The following GPAT3 variants were observed in gnomAD, a reference collection of about 807,000 sequenced individuals.
GPAT3 encodes the protein glycerol-3-phosphate acyltransferase 3.
GPAT3 carries 53 observed loss-of-function variants against 58.8 expected under a neutral mutation model. The observed-to-expected ratio is 0.90, with a 90% CI of 0.72 to 1.13. The LOEUF is 1.13. Among genes scored for constraint, GPAT3 ranks in the 50% most tolerant of loss-of-function variants. The probability of loss-of-function intolerance (pLI) is 0.00; values close to 1 mark genes in which losing one functional copy is unlikely to be tolerated. For synonymous variants in GPAT3, 197 were observed against 187.4 expected (o/e 1.05, Z -0.42); for missense variants, 511 against 527.6 (o/e 0.97, Z 0.31).
Position 83,579,229 on chromosome 4 carries a change from T to C in GPAT3, c.209-2333T>C, listed in dbSNP as rs539139830. On this transcript the variant is annotated intron_variant, in intron 2 of 11. Coordinates refer to ENST00000264409, the MANE Select transcript of GPAT3 (RefSeq NM_032717.5). ...CTCTCCCCTTCCTTCCTTCCTTCCT[T>C]CTCTCCCTCTTTTCTCCCTTTCCCT... Among the ~76,000 whole-genome samples, 6 of 141,980 alleles carry C rather than the reference T, an allele frequency of 4.2e-5. No individual in the cohort carries two copies. The South Asian group carries it at 1.2e-3, about 28-fold the overall frequency. 93.1% of individuals were successfully genotyped at this position (141,980 alleles called of 152,430 possible).
chr4:83,547,877 G>T (rs1724604684), intron 2 of GPAT3, among the ~76,000 whole-genome samples: 1 of 147,158 alleles, frequency 6.8e-6, no homozygotes, highest in Admixed American at 6.8e-5. Flanking sequence ...TTTTGAGATG[G>T]GGTCTGGCTG....
intron 2 of GPAT3, among the ~76,000 whole-genome samples, chr4:83,579,149 CTCTCTCTT>C (rs547032708): frequency 0.012 from 1,119 of 93,174 alleles, 23 homozygotes; most frequent in Middle Eastern, 0.025. Context: ...CTCCCTCCCT[CTCTCTCTT>C]TCTCTCTTTC....
intron 3 of GPAT3, 107 bp from the exon 4 acceptor site, chr4:83,587,148 C>T: frequency 1.2e-6 from 1 of 808,048 alleles, no homozygotes; most frequent in Non-Finnish European, 2.0e-6. Flanking sequence ...CATATTTCAT[C>T]ATGTGGATAC....
chr4:83,597,753 A>G (rs114641530), intron 9 of GPAT3, among the ~76,000 whole-genome samples: 3 of 152,238 alleles, frequency 2.0e-5, no homozygotes, highest in African/African-American at 4.8e-5. Context: ...TGTTAAGTGA[A>G]ACAGATTCTG....
At chr4:83,577,788 CTTTTTTT>C (rs1185047521) in intron 2 of GPAT3, among the ~76,000 whole-genome samples, 9 of 66,714 alleles carry the variant, frequency 1.3e-4, no homozygotes, top group South Asian at 5.7e-4. Flanking sequence ...GTCATTGTGG[CTTTTTTT>C]TTTTTTTTTT....
chr4:83,561,886 A>G (rs1725139842), intron 2 of GPAT3, among the ~76,000 whole-genome samples: 1 of 149,962 alleles, frequency 6.7e-6, no homozygotes, highest in African/African-American at 2.4e-5. Context: ...CATGTTCTTT[A>G]GTACAAGCCT....
At chr4:83,578,943 TTTTCTTTTCTTTCTTTC>T (rs1354102730) in intron 2 of GPAT3, among the ~76,000 whole-genome samples, 3 of 9,334 alleles carry the variant, frequency 3.2e-4, no homozygotes, top group African/African-American at 5.4e-4. Flanking sequence ...CTTTCTTTTC[TTTTCTTTTCTTTCTTTC>T]TTTCTTTCTT....
At chr4:83,541,243 T>C (rs1724291288) in intron 1 of GPAT3, among the ~76,000 whole-genome samples, 1 of 152,088 alleles carries the variant, frequency 6.6e-6, no homozygotes, top group South Asian at 2.1e-4. Context: ...CATATCTTTT[T>C]TTTTTTTGAG....
At chr4:83,598,769 TTTTTTTTTTTTTTTTTTTA>T in intron 11 of GPAT3, 46 bp downstream of exon 11, 1 of 1,272,884 alleles carries the variant, frequency 7.9e-7, no homozygotes, top group Non-Finnish European at 1.1e-6. Context: ...TTTTTTTTTT[TTTTTTTTTTTTTTTTTTTA>T]GAGAATGCCT....
At chr4:83,574,766 TAAC>T (rs1417300804) in intron 2 of GPAT3, among the ~76,000 whole-genome samples, 6 of 148,456 alleles carry the variant, frequency 4.0e-5, no homozygotes, top group Admixed American at 1.4e-4. Flanking sequence ...GCTTTAATGA[TAAC>T]AAAACTAATG....
intron 2 of GPAT3, among the ~76,000 whole-genome samples, chr4:83,564,804 G>A (rs1221644598): frequency 6.6e-6 from 1 of 152,050 alleles, no homozygotes; most frequent in Non-Finnish European, 1.5e-5. Context: ...TTCTTACTGT[G>A]CAGACATTTT....
At chr4:83,569,311 A>G (rs991979473) in intron 2 of GPAT3, among the ~76,000 whole-genome samples, 3 of 152,220 alleles carry the variant, frequency 2.0e-5, no homozygotes, top group Admixed American at 6.5e-5. Flanking sequence ...TTCATGGTCA[A>G]TCTGTCTTTT....
intron 2 of GPAT3, among the ~76,000 whole-genome samples, chr4:83,545,387 A>G (rs976594651): frequency 2.0e-5 from 3 of 152,040 alleles, no homozygotes; most frequent in South Asian, 4.1e-4. Context: ...TTGAGGCTGT[A>G]GTGAGCTGTG....
chr4:83,599,781 TC>T (rs1726986500), intron 11 of GPAT3, among the ~76,000 whole-genome samples: 1 of 152,120 alleles, frequency 6.6e-6, no homozygotes, highest in South Asian at 2.1e-4. Flanking sequence ...AATACAGTGG[TC>T]CCCTCTGGAT....
chr4:83,573,274 G>T (rs900024956), intron 2 of GPAT3, among the ~76,000 whole-genome samples: 4 of 152,112 alleles, frequency 2.6e-5, no homozygotes, highest in African/African-American at 9.7e-5. Flanking sequence ...GAGTAGCTGG[G>T]ACTACAGGTG....
chr4:83,579,017 C>CCTTTCTTTCTTTCTTTCTTT (rs756095198), intron 2 of GPAT3, among the ~76,000 whole-genome samples: 3 of 46,528 alleles, frequency 6.4e-5, no homozygotes, highest in African/African-American at 9.4e-5. Context: ...TCCTTCTTTC[C>CCTTTCTTTCTTTCTTTCTTT]CTTTCTTTCT....
At chr4:83,559,579 C>G (rs9990475) in intron 2 of GPAT3, among the ~76,000 whole-genome samples, 8,957 of 152,162 alleles carry the variant, frequency 0.059, 877 homozygotes, top group African/African-American at 0.2. Flanking sequence ...TTGCCTCGGC[C>G]CCCCAAAGTG....
chr4:83,585,499 T>A (rs1397375598), intron 3 of GPAT3, among the ~76,000 whole-genome samples: 4 of 152,108 alleles, frequency 2.6e-5, no homozygotes, highest in Non-Finnish European at 4.4e-5. Flanking sequence ...ATAATGTACA[T>A]TATATCAGTA....
intron 1 of GPAT3, among the ~76,000 whole-genome samples, chr4:83,539,836 A>G (rs1724229451): frequency 6.6e-6 from 1 of 152,204 alleles, no homozygotes; most frequent in Non-Finnish European, 1.5e-5. Flanking sequence ...TATAGTCGAG[A>G]AAATTGTTTT....
Sources: gnomAD v4.1 joint callset for allele counts (sites outside exome capture counted in the v4.1 genomes callset) on GRCh38, gnomAD v4.1.1 for gene constraint, MANE v1.5 for transcripts, NCBI Gene and HGNC (gene_info 2026-07-23, HGNC 2026-07-21) for gene names.